Variants in FNDC1 observed in about 807,000 individuals in gnomAD.
FNDC1 encodes the protein fibronectin type III domain-containing protein 1.
A neutral mutation model predicts 168.0 loss-of-function variants in FNDC1; 96 were observed. That is an observed-to-expected ratio of 0.57 (90% CI 0.48 to 0.68). The LOEUF (loss-of-function observed/expected upper bound fraction) is 0.68, where lower values mean the gene tolerates loss of function less well. Ranked by LOEUF, FNDC1 falls within the 30% of genes least tolerant of loss-of-function variation. The probability of loss-of-function intolerance (pLI) is 0.00; values close to 1 mark genes in which losing one functional copy is unlikely to be tolerated. For synonymous variants in FNDC1, 1,099 were observed against 1,025.9 expected, an observed-to-expected ratio of 1.07 and a Z score of -1.36; for missense variants, 2,587 against 2,482.1, an observed-to-expected ratio of 1.04 and a Z score of -0.90.
chr6:159,200,547 TA>T lies in FNDC1; in HGVS notation c.428del (p.Lys143ArgfsTer63). On this transcript the variant is annotated frameshift_variant, in exon 4 of 23. Coordinates refer to ENST00000297267, the MANE Select transcript of FNDC1 (RefSeq NM_032532.3). LOFTEE classifies it high-confidence loss of function. Reference protein sequence around the residue: ...EWIEIDGFPIKGPGPFNETVT... With the variant: ...EWIEIDGFPIXGPGPFNETVT... The stretch of plus-strand genomic sequence containing the variant: ...GGATCGAGATTGATGGTTTTCCCAT[TA>T]AGGGTCCAGGACCATTTAATGAAAC... The T allele has an allele frequency of 6.3e-7, 1 of 1,599,986 alleles. No individual in the cohort carries two copies. The highest frequency in any genetic ancestry group is 8.5e-7 in the Non-Finnish European group (1 of 1,172,568).
intron 5 of FNDC1, among the ~76,000 whole-genome samples, chr6:159,220,080 G>A (rs560683930): frequency 3.9e-5 from 6 of 152,264 alleles, no homozygotes; most frequent in African/African-American, 1.4e-4. Context: ...GAGTGCCTCC[G>A]TATAAATAAT....
At chr6:159,204,173 A>C (rs1362757047) in intron 4 of FNDC1, among the ~76,000 whole-genome samples, 2 of 152,110 alleles carry the variant, frequency 1.3e-5, no homozygotes, top group East Asian at 3.9e-4. Flanking sequence ...TTTCCAGACG[A>C]TGCTGCGTGA....
rs1386400061 is a variant in FNDC1, at chr6:159,233,801, G to A, written c.3289G>A (p.Ala1097Thr). 4 of 1,536,728 alleles carry A rather than the reference G, an allele frequency of 2.6e-6. No individual in the cohort carries two copies. The Admixed American group carries it at 6.2e-5, about 24-fold the overall frequency. The change falls in exon 11 of 23, where the codon GCC (alanine) becomes ACC (threonine). Residue 1097 changes from alanine to threonine, a missense_variant. Transcript: ENST00000297267. This position sits in a 1 kb window ranked among gnomAD's most constrained non-coding sequence, Gnocchi z 4.6. ...CCAGGATGTGCGGGCCCCCGCGCAC[G>A]CCGCGCGCGCCAAGGAGGCAGCTGC... ...EAQDVRAPAHAARAKEAAASL... is the reference protein window; with the variant it reads ...EAQDVRAPAHTARAKEAAASL...
At chr6:159,220,389 C>T (rs1782797263) in intron 5 of FNDC1, among the ~76,000 whole-genome samples, 1 of 152,162 alleles carries the variant, frequency 6.6e-6, no homozygotes, top group African/African-American at 2.4e-5. Context: ...TTAGGTCCTA[C>T]CTGATATTAT....
chr6:159,211,066 G>A (rs994011843), intron 4 of FNDC1, among the ~76,000 whole-genome samples: 2 of 152,148 alleles, frequency 1.3e-5, no homozygotes, highest in African/African-American at 2.4e-5. Context: ...CCCCACCCCC[G>A]GCGTGCAGAT....
chr6:159,216,388 C>T (rs767420393), intron 5 of FNDC1, among the ~76,000 whole-genome samples: 3 of 152,208 alleles, frequency 2.0e-5, no homozygotes, highest in Non-Finnish European at 2.9e-5. Context: ...TGATGGGAAC[C>T]TTTGCTGTGA....
At chr6:159,266,393 C>G in intron 21 of FNDC1, 148 bp downstream of exon 21, 1 of 845,940 alleles carries the variant, frequency 1.2e-6, no homozygotes, top group South Asian at 1.7e-5. Flanking sequence ...ACCAATTTTA[C>G]AGATTCTACT....
chr6:159,201,924 T>C (rs1782388990), intron 4 of FNDC1, among the ~76,000 whole-genome samples: 1 of 152,254 alleles, frequency 6.6e-6, no homozygotes, highest in Non-Finnish European at 1.5e-5. Flanking sequence ...TCAGAAGTAA[T>C]TAATTTCTTA....
rs1298554804 is a variant in FNDC1, at chr6:159,238,472, AG to A, written c.4069-78del. 15 of 828,004 alleles carry A rather than the reference AG, an allele frequency of 1.8e-5. No homozygotes were observed. In the African/African-American group the frequency reaches 2.4e-4, roughly 13 times the overall value. The allele number at this position is 828,004 out of a possible 1,614,324, so 51.3% of individuals were successfully genotyped here. On this transcript the variant is annotated intron_variant, in intron 12 of 22. Transcript: ENST00000297267. ...TACGGTTTCCTTCTGTGGAAGCTTC[AG>A]GGGTATATACATATATAATTGGACT...
chr6:159,238,507 C>T (rs1413956228), intron 12 of FNDC1, 47 bp from the exon 13 acceptor site: 1 of 1,346,684 alleles, frequency 7.4e-7, no homozygotes, highest in East Asian at 2.4e-5. Context: ...CTAATGTGAT[C>T]ATTTCAAAAT....
chr6:159,266,172 G>C lies in FNDC1; in HGVS notation c.5373G>C (p.Trp1791Cys). ...GACGGCAATATGTGAAGCGCACGTG[G>C]TATCGAAAGTTCGTGGGAGTTGTTC... ...CHGRQYVKRT[W>C]YRKFVGVVLC... Residue 1791 changes from tryptophan to cysteine, a missense_variant, in exon 21 of 23, where the codon TGG becomes TGC. Trp to Cys is a radical substitution (Grantham distance 215). Coordinates refer to ENST00000297267, the MANE Select transcript of FNDC1 (RefSeq NM_032532.3). 6.2e-7 allele frequency: 1 copy of C among 1,614,002 alleles called. No individual in the cohort carries two copies. Among genetic ancestry groups the C allele is most frequent in the Non-Finnish European group, 8.5e-7 (1 of 1,179,874 alleles).
chr6:159,192,258 G>T (rs865840170), intron 1 of FNDC1, among the ~76,000 whole-genome samples: 1 of 151,992 alleles, frequency 6.6e-6, no homozygotes, highest in Non-Finnish European at 1.5e-5. Context: ...CCTACCTTGA[G>T]AACTTAATGA....
chr6:159,224,102 G>A lies in FNDC1; in HGVS notation c.884+457G>A, dbSNP rs528496538. Among the ~76,000 whole-genome samples, 9 of 152,276 alleles carry A rather than the reference G, an allele frequency of 5.9e-5. No homozygotes were observed. In the South Asian group the frequency reaches 1.0e-3, roughly 18 times the overall value. On this transcript the variant is annotated intron_variant, in intron 7 of 22. Coordinates refer to ENST00000297267, the MANE Select transcript of FNDC1 (RefSeq NM_032532.3). ...GACAATGTCTAATGCCTTACACTTCGTAGTTCCTCATTAGACTTTGCTGAA... is the reference window on the plus strand; with the variant it reads ...GACAATGTCTAATGCCTTACACTTCATAGTTCCTCATTAGACTTTGCTGAA...
At chr6:159,217,346 C>G (rs1277796572) in intron 5 of FNDC1, among the ~76,000 whole-genome samples, 1 of 152,192 alleles carries the variant, frequency 6.6e-6, no homozygotes, top group Non-Finnish European at 1.5e-5. Context: ...TCTGAGAGCT[C>G]CTAACTCTGA....
At chr6:159,195,037 G>A (rs1047912627) in intron 1 of FNDC1, among the ~76,000 whole-genome samples, 1 of 152,098 alleles carries the variant, frequency 6.6e-6, no homozygotes, top group African/African-American at 2.4e-5. Context: ...GTGTGGTGCG[G>A]TGGGTGGGAG....
intron 5 of FNDC1, among the ~76,000 whole-genome samples, chr6:159,215,355 T>G (rs1270141694): frequency 6.6e-6 from 1 of 152,262 alleles, no homozygotes; most frequent in African/African-American, 2.4e-5. Flanking sequence ...AGCCCCAGGC[T>G]GCCTTCCTAG....
In FNDC1 at chr6:159,232,420, T is replaced by C. The variant is rs567030510; in HGVS notation, c.1908T>C (p.Pro636=). The part of the protein sequence containing the change: ...TQGTSHRPSL[P]ASLNDNDLVD... ...GCACCTCTCATCGTCCTTCCCTGCC[T>C]GCCAGCTTGAATGACAACGACTTGG... Residue 636 remains proline (P), a synonymous_variant, in exon 11 of 23, where the codon CCT becomes CCC. Coordinates refer to ENST00000297267, the MANE Select transcript of FNDC1 (RefSeq NM_032532.3). This position sits in a 1 kb window ranked among gnomAD's most constrained non-coding sequence, Gnocchi z 4.9. The C allele has an allele frequency of 1.2e-6, 2 of 1,612,004 alleles. No individual in the cohort carries two copies. The highest frequency in any genetic ancestry group is 1.7e-5 in the Admixed American group (1 of 59,928).
rs1385404597 is a variant in FNDC1, at chr6:159,232,742, G to A, written c.2230G>A (p.Gly744Arg). The part of the protein sequence containing the change: ...PHLSSPLSKG[G>R]KDGEDAPATN... ...CCTGAGCTCTCCACTTTCCAAGGGCGGGAAGGATGGTGAGGACGCCCCAGC... is the reference window on the plus strand; with the variant it reads ...CCTGAGCTCTCCACTTTCCAAGGGCAGGAAGGATGGTGAGGACGCCCCAGC... Residue 744 changes from glycine to arginine, a missense_variant, in exon 11 of 23, where the codon GGG becomes AGG. By Grantham distance (125) the Gly-to-Arg change is moderately radical. Transcript: ENST00000297267. This position sits in a 1 kb window ranked among gnomAD's most constrained non-coding sequence, Gnocchi z 4.9. 1 of 1,613,888 alleles carries A rather than the reference G, an allele frequency of 6.2e-7. No individual in the cohort carries two copies. The highest frequency in any genetic ancestry group is 8.5e-7 in the Non-Finnish European group (1 of 1,179,876).
rs768198270 is a variant in FNDC1, at chr6:159,271,360, G to A, written c.5603G>A (p.Arg1868Lys). The change falls in exon 23 of 23, where the codon AGG becomes AAG. Residue 1868 changes from arginine to lysine, a missense_variant. By Grantham distance (26) the Arg-to-Lys change is conservative. Coordinates refer to ENST00000297267, the MANE Select transcript of FNDC1 (RefSeq NM_032532.3). ...YYRQYRQEPV[R>K]FGNIGFGTPY... The stretch of plus-strand genomic sequence containing the variant: ...CGCCAGTATCGTCAGGAGCCTGTCA[G>A]GTTTGGGAACATCGGCTTCGGAACC... 2 of 1,612,206 alleles carry A rather than the reference G, an allele frequency of 1.2e-6. No homozygotes were observed. The highest frequency in any genetic ancestry group is 2.2e-5 in the East Asian group (1 of 44,810).
Sources: allele counts gnomAD v4.1 joint callset (sites outside exome capture counted in the v4.1 genomes callset), GRCh38; gene constraint gnomAD v4.1.1; non-coding constraint Gnocchi (gnomAD v3.1); transcripts MANE v1.5; gene names NCBI Gene and HGNC (gene_info 2026-07-23, HGNC 2026-07-21).